Variants in EXOC4 observed in about 807,000 individuals in gnomAD.
EXOC4 encodes the protein SEC8-like 1.
In EXOC4, 71 loss-of-function variants were observed where a neutral mutation model predicts 107.2. The ratio of observed to expected loss-of-function variants is 0.66; its 90% CI spans 0.55 to 0.81. The LOEUF is 0.81. Among genes scored for constraint, EXOC4 ranks in the 30% least tolerant of loss-of-function variants. EXOC4 has a pLI of 0.00. For missense variants in EXOC4, 1,108 were observed against 1,189.6 expected (o/e 0.93, Z 1.01); for synonymous variants, 456 against 441.2 (o/e 1.03, Z -0.42).
At chr7:133,285,991 C>T (rs1012180248) in intron 2 of EXOC4, among the ~76,000 whole-genome samples, 3 of 152,144 alleles carry the variant, frequency 2.0e-5, no homozygotes, top group Non-Finnish European at 4.4e-5. Context: ...AACTCCTGAG[C>T]TCCAGCAGCC....
chr7:133,920,982 T>C (rs1455883506), intron 13 of EXOC4, among the ~76,000 whole-genome samples: 1 of 152,144 alleles, frequency 6.6e-6, no homozygotes, highest in African/African-American at 2.4e-5. Flanking sequence ...CCTAATAGGA[T>C]GGAGGGAGGG....
chr7:133,479,975 A>G, intron 8 of EXOC4, 75 bp from the exon 9 acceptor site: 1 of 1,177,898 alleles, frequency 8.5e-7, no homozygotes, highest in Non-Finnish European at 1.3e-6. Flanking sequence ...AGAGTAGAAT[A>G]ATGTGGAATA....
At chr7:133,744,494 A>T (rs1024425668) in intron 10 of EXOC4, among the ~76,000 whole-genome samples, 1 of 152,184 alleles carries the variant, frequency 6.6e-6, no homozygotes, top group African/African-American at 2.4e-5. Flanking sequence ...TAACTCAGTG[A>T]ACCCAAAATC....
At chr7:133,765,464 T>G (rs1796116612) in intron 10 of EXOC4, among the ~76,000 whole-genome samples, 2 of 152,054 alleles carry the variant, frequency 1.3e-5, no homozygotes, top group African/African-American at 4.8e-5. Context: ...GGCTTGGGAA[T>G]TGAAAGCTCT....
Position 134,007,080 on chromosome 7 carries a change from C to T in EXOC4, c.2528-596C>T, listed in dbSNP as rs146126682. Among the ~76,000 whole-genome samples the T allele has an allele frequency of 6.7e-4, 102 of 152,300 alleles. 1 individual carries two copies. In the East Asian group the frequency reaches 0.018, roughly 27 times the overall value. ...CCCTTTTTTCTAATTGTGTCTTATA[C>T]ACCCATTGCCATTGTTAAGGTATAT... is the stretch of plus-strand genomic sequence containing the variant. On this transcript the variant is annotated intron_variant, in intron 16 of 17. Coordinates refer to ENST00000253861, the MANE Select transcript of EXOC4 (RefSeq NM_021807.4).
intron 5 of EXOC4, among the ~76,000 whole-genome samples, chr7:133,354,992 T>C (rs1016845562): frequency 6.6e-6 from 1 of 152,162 alleles, no homozygotes; most frequent in Non-Finnish European, 1.5e-5. Context: ...TAAGAGCGTT[T>C]TATAAGCTGG....
chr7:134,016,002 G>A (rs763688214), intron 17 of EXOC4, among the ~76,000 whole-genome samples: 1 of 152,078 alleles, frequency 6.6e-6, no homozygotes, highest in Non-Finnish European at 1.5e-5. Context: ...GTCTTGGAGA[G>A]TGATTGAATA....
At chr7:133,526,582 A>G (rs558659601) in intron 9 of EXOC4, among the ~76,000 whole-genome samples, 2 of 152,352 alleles carry the variant, frequency 1.3e-5, no homozygotes, top group African/African-American at 4.8e-5. Context: ...CTGGTTTAGC[A>G]CATAGATTCG....
At chr7:133,918,442 C>T (rs928435991) in intron 13 of EXOC4, among the ~76,000 whole-genome samples, 1 of 152,172 alleles carries the variant, frequency 6.6e-6, no homozygotes, top group African/African-American at 2.4e-5. Context: ...TGTTTCTGTC[C>T]ATACAGAATA....
At chr7:133,979,720 G>A (rs923024332) in intron 14 of EXOC4, among the ~76,000 whole-genome samples, 3 of 151,896 alleles carry the variant, frequency 2.0e-5, no homozygotes, top group Non-Finnish European at 2.9e-5. Context: ...CCTGGGAGGC[G>A]GAGCTTGCAG....
chr7:134,036,132 C>G (rs1795381723), intron 17 of EXOC4, among the ~76,000 whole-genome samples: 1 of 152,152 alleles, frequency 6.6e-6, no homozygotes, highest in African/African-American at 2.4e-5. Context: ...TACCAGTAGA[C>G]CTATTACAGA....
intron 1 of EXOC4, among the ~76,000 whole-genome samples, chr7:133,270,190 G>A (rs1793834404): frequency 6.6e-6 from 1 of 152,116 alleles, no homozygotes; most frequent in Non-Finnish European, 1.5e-5. Context: ...TTCACCTTCT[G>A]CCATGATTAT....
chr7:133,280,565 A>G (rs1395308845), intron 2 of EXOC4, among the ~76,000 whole-genome samples: 1 of 152,216 alleles, frequency 6.6e-6, no homozygotes, highest in African/African-American at 2.4e-5. Flanking sequence ...GCACACAAAC[A>G]CTTAACATTT....
intron 7 of EXOC4, among the ~76,000 whole-genome samples, chr7:133,463,627 G>T (rs1294099026): frequency 6.6e-6 from 1 of 152,162 alleles, no homozygotes; most frequent in Non-Finnish European, 1.5e-5. Flanking sequence ...ATAGTCTTAA[G>T]TATTAGTGTT....
intron 10 of EXOC4, among the ~76,000 whole-genome samples, chr7:133,767,282 C>T (rs938821823): frequency 2.6e-5 from 4 of 151,896 alleles, no homozygotes; most frequent in African/African-American, 7.2e-5. Context: ...CATGCCTCTT[C>T]AGGTAAGTTG....
At chr7:134,011,813 G>A (rs957038393) in intron 17 of EXOC4, among the ~76,000 whole-genome samples, 3 of 151,904 alleles carry the variant, frequency 2.0e-5, no homozygotes, top group Admixed American at 2.0e-4. Flanking sequence ...GTAGGCATGG[G>A]GAGGGGACCA....
intron 15 of EXOC4, among the ~76,000 whole-genome samples, chr7:134,003,745 T>A (rs1794580078): frequency 6.8e-6 from 1 of 148,140 alleles, no homozygotes; most frequent in Non-Finnish European, 1.5e-5. Context: ...GGTTTGGGAT[T>A]TTTTTTTTTT....
intron 17 of EXOC4, among the ~76,000 whole-genome samples, chr7:134,012,148 T>C (rs1033289794): frequency 2.0e-5 from 3 of 152,142 alleles, no homozygotes; most frequent in Non-Finnish European, 2.9e-5. Context: ...TTACTTTGCA[T>C]GAGGTAGGAA....
chr7:133,263,517 G>A (rs1181005178), intron 1 of EXOC4, among the ~76,000 whole-genome samples: 1 of 151,556 alleles, frequency 6.6e-6, no homozygotes, highest in East Asian at 1.9e-4. Context: ...GAGTAGCGAG[G>A]ACTACAGGTG....
Sources: allele counts gnomAD v4.1 joint callset (sites outside exome capture counted in the v4.1 genomes callset), GRCh38; gene constraint gnomAD v4.1.1; transcripts MANE v1.5; gene names NCBI Gene and HGNC (gene_info 2026-07-23, HGNC 2026-07-21).